Variants in CCDC171 observed in about 807,000 individuals in gnomAD.
CCDC171 encodes the protein coiled-coil domain containing 171, also known as coiled-coil domain-containing protein 171.
Under a neutral mutation model 168.2 loss-of-function variants are expected in CCDC171, and 177 were observed. That is an observed-to-expected ratio of 1.05 (90% CI 0.93 to 1.19). CCDC171 has a LOEUF of 1.19. Among genes scored for constraint, CCDC171 ranks in the 50% most tolerant of loss-of-function variants. CCDC171 has a pLI of 0.00. For missense variants in CCDC171, 1,991 were observed against 1,539.0 expected, an observed-to-expected ratio of 1.29 and a Z score of -4.91; for synonymous variants, 687 against 540.8, an observed-to-expected ratio of 1.27 and a Z score of -3.75.
intron 18 of CCDC171, among the ~76,000 whole-genome samples, chr9:15,766,061 G>A (rs558973998): frequency 6.6e-6 from 1 of 152,120 alleles, no homozygotes; most frequent in East Asian, 1.9e-4. Flanking sequence ...AGATTGAGCA[G>A]GTTTGTTTTC....
chr9:16,036,277 C>G (rs765082383), intron 8 of CCDC171: 1 of 152,224 alleles, frequency 6.6e-6, no homozygotes, highest in Non-Finnish European at 1.5e-5. Context: ...TTTGTGAATG[C>G]TGAGACCTAC....
the CCDC171 span, among the ~76,000 whole-genome samples, chr9:16,091,508 C>G: frequency 4.6e-3 from 708 of 152,298 alleles, 6 homozygotes; most frequent in African/African-American, 0.016. Context: ...ACCAAATGCT[C>G]TGGGACAACT....
intron 1 of CCDC171, among the ~76,000 whole-genome samples, chr9:16,052,724 C>G (rs1005135334): frequency 2.6e-5 from 4 of 152,084 alleles, no homozygotes; most frequent in Non-Finnish European, 4.4e-5. Context: ...TGAATTTGTC[C>G]TGTATTTATC....
At chr9:15,601,864 T>C (rs548644379) in intron 6 of CCDC171, among the ~76,000 whole-genome samples, 40 of 152,340 alleles carry the variant, frequency 2.6e-4, no homozygotes, top group African/African-American at 9.4e-4. Context: ...TTATAAAATA[T>C]AATTCAAAGG....
intron 3 of CCDC171, among the ~76,000 whole-genome samples, chr9:15,577,403 A>G (rs2040755774): frequency 6.6e-6 from 1 of 152,132 alleles, no homozygotes; most frequent in Non-Finnish European, 1.5e-5. Context: ...CATTTTCCGA[A>G]GGCTTATTTT....
At chr9:15,877,329 G>A (rs559197618) in intron 24 of CCDC171, among the ~76,000 whole-genome samples, 98 of 152,240 alleles carry the variant, frequency 6.4e-4, no homozygotes, top group Non-Finnish European at 1.0e-3. Flanking sequence ...TATTGCAGCC[G>A]TTATAAGGCC....
chr9:15,980,266 C>G (rs779654034), intron 3 of CCDC171, among the ~76,000 whole-genome samples: 2 of 152,166 alleles, frequency 1.3e-5, no homozygotes, highest in Non-Finnish European at 2.9e-5. Context: ...CAGGAATAAT[C>G]TGCCCCCGAA....
the CCDC171 span, among the ~76,000 whole-genome samples, chr9:16,107,920 C>T: frequency 7.2e-5 from 11 of 152,024 alleles, no homozygotes; most frequent in Admixed American, 2.6e-4. Context: ...TGCATTTATA[C>T]ATAATTTATA....
intron 1 of CCDC171, among the ~76,000 whole-genome samples, chr9:16,050,930 T>A (rs1833741065): frequency 6.6e-6 from 1 of 152,324 alleles, no homozygotes; most frequent in African/African-American, 2.4e-5. Context: ...TGAAGCACTT[T>A]TATACATGTC....
At chr9:15,936,239 T>G (rs1249428564) in intron 25 of CCDC171, among the ~76,000 whole-genome samples, 3 of 152,008 alleles carry the variant, frequency 2.0e-5, no homozygotes, top group Non-Finnish European at 4.4e-5. Flanking sequence ...ACAGAGTTGC[T>G]TAATTTGGGT....
intron 21 of CCDC171, 35 bp downstream of exon 21, chr9:15,784,729 AT>A: frequency 6.8e-7 from 1 of 1,477,978 alleles, no homozygotes; most frequent in Non-Finnish European, 9.4e-7. Flanking sequence ...ATAAAGGGAT[AT>A]TTTATCTATG....
At chr9:15,649,264 C>G (rs1335859955) in intron 7 of CCDC171, among the ~76,000 whole-genome samples, 3 of 152,152 alleles carry the variant, frequency 2.0e-5, no homozygotes, top group African/African-American at 7.2e-5. Context: ...GAATTAAAGA[C>G]TTAAATGTTA....
At chr9:16,010,239 C>T (rs1008173361) in intron 3 of CCDC171, among the ~76,000 whole-genome samples, 1 of 152,046 alleles carries the variant, frequency 6.6e-6, no homozygotes, top group Non-Finnish European at 1.5e-5. Flanking sequence ...TCACTTTCTT[C>T]TTGTTGATTT....
intron 11 of CCDC171, among the ~76,000 whole-genome samples, chr9:15,705,408 C>T (rs548756280): frequency 1.1e-4 from 16 of 152,242 alleles, no homozygotes; most frequent in African/African-American, 3.6e-4. Context: ...CTTCTTTGGC[C>T]TCACCTCCCA....
chr9:15,897,465 A>G (rs1821063479), intron 24 of CCDC171, among the ~76,000 whole-genome samples: 1 of 152,130 alleles, frequency 6.6e-6, no homozygotes. Context: ...GAGATTCATT[A>G]TTTTGTTACA....
rs1480376343 is a variant in CCDC171 at position 15,825,533 on chromosome 9, A to G, written c.3268-21169A>G. Among the ~76,000 whole-genome samples the G allele has an allele frequency of 2.0e-5, 3 of 152,164 alleles. No homozygotes were observed. The East Asian group carries it at 5.8e-4, about 29-fold the overall frequency. ...TTAATAAATTGGTCCAATGTCACAT[A>G]TTAGAAAGTTTTGGAGTCAGAACTT... On this transcript the variant is annotated intron_variant, in intron 21 of 25. Coordinates refer to ENST00000380701, the MANE Select transcript of CCDC171 (RefSeq NM_173550.4).
intron 10 of CCDC171, among the ~76,000 whole-genome samples, chr9:15,688,387 C>G (rs1360424298): frequency 1.3e-5 from 2 of 152,006 alleles, no homozygotes; most frequent in Admixed American, 1.3e-4. Context: ...AGTATTATTA[C>G]CTTGATACAA....
intron 7 of CCDC171, among the ~76,000 whole-genome samples, chr9:15,647,942 A>C (rs1360977490): frequency 6.6e-6 from 1 of 152,090 alleles, no homozygotes; most frequent in Non-Finnish European, 1.5e-5. Context: ...GAGACACAAC[A>C]AAAAAAGAGA....
chr9:15,903,158 C>T (rs1821960358), intron 24 of CCDC171, among the ~76,000 whole-genome samples: 1 of 152,210 alleles, frequency 6.6e-6, no homozygotes, highest in Non-Finnish European at 1.5e-5. Context: ...TTAAATGTCC[C>T]TGTCTGACAG....
Sources: gnomAD v4.1 joint callset for allele counts (sites outside exome capture counted in the v4.1 genomes callset) on GRCh38, gnomAD v4.1.1 for gene constraint, MANE v1.5 for transcripts, NCBI Gene and HGNC (gene_info 2026-07-23, HGNC 2026-07-21) for gene names.